Variants in MATN2 observed in about 807,000 individuals in gnomAD.
MATN2 encodes matrilin-2.
MATN2 carries 69 observed loss-of-function variants against 103.2 expected under a neutral mutation model. The observed-to-expected ratio is 0.67, with a 90% confidence interval of 0.55 to 0.82. The LOEUF is 0.82. Among genes scored for constraint, MATN2 ranks in the 40% least tolerant of loss-of-function variants. The pLI, the probability that MATN2 is intolerant of heterozygous loss-of-function variation, is 0.00. For missense variants in MATN2, 1,023 were observed against 1,211.5 expected (o/e 0.84, Z 2.31); for synonymous variants, 429 against 450.2 (o/e 0.95, Z 0.60).
At chr8:97,997,749 G>A (rs926555389) in intron 7 of MATN2, among the ~76,000 whole-genome samples, 1 of 151,328 alleles carries the variant, frequency 6.6e-6, no homozygotes, top group African/African-American at 2.4e-5. Context: ...GAGGAAATAT[G>A]ACAAAAGGGT....
chr8:97,989,141 A>G (rs554628340), intron 6 of MATN2, among the ~76,000 whole-genome samples: 4 of 152,240 alleles, frequency 2.6e-5, no homozygotes, highest in Non-Finnish European at 5.9e-5. Context: ...AAGATCTGAC[A>G]TTCATTTTTT....
At chr8:98,015,286 C>G (rs1586158731) in intron 10 of MATN2, among the ~76,000 whole-genome samples, 1 of 152,198 alleles carries the variant, frequency 6.6e-6, no homozygotes, top group Non-Finnish European at 1.5e-5. Context: ...TGTCCAAGCT[C>G]CATTCTGTGC....
intron 5 of MATN2, among the ~76,000 whole-genome samples, chr8:97,973,875 C>T (rs1811745472): frequency 6.6e-6 from 1 of 151,970 alleles, no homozygotes; most frequent in Non-Finnish European, 1.5e-5. Context: ...AAACCATACC[C>T]ATAATGTGTT....
In MATN2 at chr8:98,005,960, C is replaced by T. The variant is rs1245625843; in HGVS notation, c.1328-1145C>T. Among the ~76,000 whole-genome samples the T allele has an allele frequency of 6.6e-6, 1 of 152,248 alleles. No homozygotes were observed. Among genetic ancestry groups the T allele is most frequent in the African/African-American group, 2.4e-5 (1 of 41,468 alleles). ...CACCAGTGGAATGTTCTGGAAGGCA[C>T]TGGTCCCAGACTCTGCGGGAGTCAA... On this transcript the variant is annotated intron_variant, in intron 8 of 18. Transcript: ENST00000254898. The surrounding 1 kb of genome is among the most constrained non-coding windows in gnomAD (Gnocchi z 4.6).
At chr8:97,915,374 A>G (rs1421482638) in intron 2 of MATN2, among the ~76,000 whole-genome samples, 1 of 152,018 alleles carries the variant, frequency 6.6e-6, no homozygotes, top group Non-Finnish European at 1.5e-5. Flanking sequence ...TGGTTCTCAT[A>G]CTCTATCCCT....
At chr8:97,890,550 C>A (rs1818593755) in intron 2 of MATN2, among the ~76,000 whole-genome samples, 1 of 151,274 alleles carries the variant, frequency 6.6e-6, no homozygotes, top group Non-Finnish European at 1.5e-5. Flanking sequence ...TTCTCAAGTG[C>A]AATCTGCTTT....
intron 3 of MATN2, among the ~76,000 whole-genome samples, chr8:97,933,695 C>T (rs779766131): frequency 4.6e-5 from 7 of 152,084 alleles, no homozygotes; most frequent in Non-Finnish European, 8.8e-5. Flanking sequence ...AAAACATTAG[C>T]GTTATCCCGC....
In MATN2 at chr8:97,970,225, C is replaced by T. The variant is rs562656336; in HGVS notation, c.959-8661C>T. 1.6e-4 allele frequency among the ~76,000 whole-genome samples: 24 copies of T among 152,228 alleles called. No individual in the cohort carries two copies. The South Asian group carries it at 3.3e-3, about 21-fold the overall frequency. ...AAATTTCTAGGGAAGGGGTAGTAAT[C>T]GTTGGGTCATTGCCCAATGATAGTA... On this transcript the variant is annotated intron_variant, in intron 5 of 18. Coordinates refer to ENST00000254898, the MANE Select transcript of MATN2 (RefSeq NM_002380.5).
At position 97,892,415 on chromosome 8, in the gene MATN2, C is replaced by CAAA. The variant is rs35181049; in HGVS notation, c.142+4194_142+4196dup. ...TGGGTGACAGAGTGAGACCCTGTCT[C>CAAA]AAAAAAAAAAAAAAAAAAAAAAAGA... On this transcript the variant is annotated intron_variant, in intron 2 of 18. Transcript: ENST00000254898. Among the ~76,000 whole-genome samples the CAAA allele has an allele frequency of 4.7e-3, 362 of 77,304 alleles. 4 individuals are homozygous for CAAA. Among genetic ancestry groups the CAAA allele is most frequent in the African/African-American group, 0.012 (198 of 17,094 alleles). The allele number at this position is 77,304 out of a possible 152,430, so 50.7% of individuals were successfully genotyped here.
At chr8:98,011,337 G>C (rs1813152823) in intron 10 of MATN2, among the ~76,000 whole-genome samples, 4 of 137,902 alleles carry the variant, frequency 2.9e-5, no homozygotes, top group Non-Finnish European at 5.9e-5. Flanking sequence ...GCAGGGAGTA[G>C]GGGGAGGGGA....
intron 2 of MATN2, among the ~76,000 whole-genome samples, chr8:97,892,567 A>G (rs1357342313): frequency 2.0e-5 from 3 of 152,186 alleles, no homozygotes; most frequent in South Asian, 4.1e-4. Flanking sequence ...ATGAAAATGC[A>G]TGGATATGTA....
chr8:98,020,684 A>G (rs1563730603), intron 12 of MATN2, among the ~76,000 whole-genome samples: 1 of 152,136 alleles, frequency 6.6e-6, no homozygotes, highest in South Asian at 2.1e-4. Flanking sequence ...CTCTCATGCT[A>G]TGGAGGAGCA....
chr8:97,912,428 G>T lies in MATN2; in HGVS notation c.143-18525G>T, dbSNP rs560001177. Reference sequence around the variant, plus strand: ...AGCAGCTGGAGCCGGGCATTGAAGCGCTGAGAGCGCTGAGGAAACAAATCG... The same window carrying T: ...AGCAGCTGGAGCCGGGCATTGAAGCTCTGAGAGCGCTGAGGAAACAAATCG... On this transcript the variant is annotated intron_variant, in intron 2 of 18. Coordinates refer to ENST00000254898, the MANE Select transcript of MATN2 (RefSeq NM_002380.5). Among the ~76,000 whole-genome samples, 10 of 152,198 alleles carry T rather than the reference G, an allele frequency of 6.6e-5. No homozygotes were observed. The South Asian group carries it at 2.1e-3, about 32-fold the overall frequency.
Position 97,961,480 on chromosome 8 carries a change from G to A in MATN2, c.908G>A (p.Cys303Tyr), listed in dbSNP as rs1022985398. The A allele has an allele frequency of 3.1e-6, 5 of 1,613,670 alleles. No homozygotes were observed. The African/African-American group carries it at 6.7e-5, about 22-fold the overall frequency. ...GTGAATGTGCCGGGCTCCTTCGTCTGCCAGTGCTACAGTGGCTACGCCCTG... is the reference window on the plus strand; with the variant it reads ...GTGAATGTGCCGGGCTCCTTCGTCTACCAGTGCTACAGTGGCTACGCCCTG... ...LCVNVPGSFV[C>Y]QCYSGYALAE... The change falls in exon 5 of 19, where the codon TGC (cysteine) becomes TAC (tyrosine). Residue 303 changes from cysteine to tyrosine, a missense_variant. Coordinates refer to ENST00000254898, the MANE Select transcript of MATN2 (RefSeq NM_002380.5).
chr8:98,021,565 CA>C (rs1036226582), intron 13 of MATN2, among the ~76,000 whole-genome samples: 10 of 151,964 alleles, frequency 6.6e-5, no homozygotes, highest in African/African-American at 2.4e-4. Flanking sequence ...GGCTGAACAG[CA>C]ATGTCTGCAT....
At chr8:98,023,666 G>A (rs999579115) in intron 13 of MATN2, among the ~76,000 whole-genome samples, 1 of 151,956 alleles carries the variant, frequency 6.6e-6, no homozygotes, top group African/African-American at 2.4e-5. Context: ...GCAAGACCTT[G>A]TCTCAAAAAA....
chr8:97,932,215 T>C (rs1054209394), intron 3 of MATN2, among the ~76,000 whole-genome samples: 25 of 152,236 alleles, frequency 1.6e-4, no homozygotes, highest in African/African-American at 6.0e-4. Context: ...GGAGCTGCCC[T>C]GGAATTCCCT....
At chr8:97,956,004 G>C (rs978302253) in intron 4 of MATN2, among the ~76,000 whole-genome samples, 2 of 152,178 alleles carry the variant, frequency 1.3e-5, no homozygotes, top group African/African-American at 4.8e-5. Context: ...AGCCCATGAG[G>C]GTTCTTGGCT....
At position 97,888,166 on chromosome 8, in the gene MATN2, G is replaced by A. The variant is rs534833968; in HGVS notation, c.66G>A (p.Glu22=). The change falls in exon 2 of 19, where the codon GAG becomes GAA. Residue 22 remains glutamate, a synonymous_variant. Coordinates refer to ENST00000254898, the MANE Select transcript of MATN2 (RefSeq NM_002380.5). ...GACAGATCGTCCTCCTCCCTGCCGA[G>A]GCCAGGGAGCGGTCACGTGGGAGGT... The part of the protein sequence containing the change: ...ILGQIVLLPA[E]ARERSRGRSI... 1 of 1,609,016 alleles carries A rather than the reference G, an allele frequency of 6.2e-7. No homozygotes were observed. Among genetic ancestry groups the A allele is most frequent in the South Asian group, 1.1e-5 (1 of 90,130 alleles).
Sources: allele counts gnomAD v4.1 joint callset (sites outside exome capture counted in the v4.1 genomes callset), GRCh38; gene constraint gnomAD v4.1.1; non-coding constraint Gnocchi (gnomAD v3.1); transcripts MANE v1.5; gene names NCBI Gene and HGNC (gene_info 2026-07-23, HGNC 2026-07-21).